The following KHDRBS2 variants were observed in gnomAD, a reference collection of about 807,000 sequenced individuals.
KHDRBS2 encodes the protein KH domain-containing, RNA-binding, signal transduction-associated protein 2.
Under a neutral mutation model 44.3 loss-of-function variants are expected in KHDRBS2, and 26 were observed. The observed-to-expected ratio is 0.59, with a 90% CI of 0.43 to 0.81. The LOEUF is 0.81. Ranked by LOEUF, KHDRBS2 falls within the 40% of genes least tolerant of loss-of-function variation. KHDRBS2 has a pLI of 0.00. For synonymous variants in KHDRBS2, 194 were observed against 151.1 expected, an observed-to-expected ratio of 1.28 and a Z score of -2.08; for missense variants, 476 against 433.1, an observed-to-expected ratio of 1.10 and a Z score of -0.88.
chr6:61,801,736 C>G (rs1786317797), intron 6 of KHDRBS2, among the ~76,000 whole-genome samples: 1 of 152,086 alleles, frequency 6.6e-6, no homozygotes, highest in Admixed American at 6.6e-5. Flanking sequence ...GCCTTATGGT[C>G]TTTGTCCCAT....
chr6:61,867,083 C>T (rs537923035), intron 6 of KHDRBS2, among the ~76,000 whole-genome samples: 1 of 152,282 alleles, frequency 6.6e-6, no homozygotes, highest in African/African-American at 2.4e-5. Flanking sequence ...TCAGCAGAGC[C>T]CCACTCTACT....
intron 4 of KHDRBS2, among the ~76,000 whole-genome samples, chr6:61,956,721 C>A (rs992872242): frequency 3.9e-5 from 6 of 152,162 alleles, no homozygotes; most frequent in Admixed American, 3.9e-4. Flanking sequence ...TAAACTCCAC[C>A]AATCTTTCTG....
chr6:61,594,907 A>G, the KHDRBS2 span, among the ~76,000 whole-genome samples: 1 of 152,256 alleles, frequency 6.6e-6, no homozygotes, highest in South Asian at 2.1e-4. Flanking sequence ...CTGTAAAATA[A>G]CAGTCATTCA....
intron 1 of KHDRBS2, among the ~76,000 whole-genome samples, chr6:62,279,758 G>A (rs950386880): frequency 3.9e-5 from 6 of 152,162 alleles, no homozygotes; most frequent in African/African-American, 1.4e-4. Flanking sequence ...CTAAAGTGAG[G>A]TCTTAGCATG....
At chr6:62,070,838 C>A (rs1264813851) in intron 2 of KHDRBS2, among the ~76,000 whole-genome samples, 1 of 152,128 alleles carries the variant, frequency 6.6e-6, no homozygotes, top group East Asian at 1.9e-4. Flanking sequence ...GATTTATAAT[C>A]CTCTGGGTAT....
At chr6:61,863,898 T>C (rs1797392993) in intron 6 of KHDRBS2, among the ~76,000 whole-genome samples, 1 of 152,206 alleles carries the variant, frequency 6.6e-6, no homozygotes, top group South Asian at 2.1e-4. Flanking sequence ...AGTCTCCAAC[T>C]ATTATTGTGT....
intron 4 of KHDRBS2, among the ~76,000 whole-genome samples, chr6:61,924,022 G>A (rs916055585): frequency 6.6e-6 from 1 of 151,956 alleles, no homozygotes; most frequent in African/African-American, 2.4e-5. Context: ...ACAATTAGGA[G>A]TTGAAATTAC....
the KHDRBS2 span, among the ~76,000 whole-genome samples, chr6:61,602,530 TCTGA>T: frequency 3.9e-5 from 6 of 152,182 alleles, no homozygotes; most frequent in African/African-American, 1.4e-4. Context: ...CCCAAGGCTC[TCTGA>T]CTGACTCCTT....
chr6:61,883,126 G>A (rs1800440085), intron 6 of KHDRBS2, among the ~76,000 whole-genome samples: 1 of 151,862 alleles, frequency 6.6e-6, no homozygotes, highest in African/African-American at 2.4e-5. Flanking sequence ...ATAAATCAAG[G>A]CTCAAATCAC....
In KHDRBS2 at chr6:61,994,095, A is replaced by T. The variant is rs114182892; in HGVS notation, c.337-15883T>A. On this transcript the variant is annotated intron_variant, in intron 3 of 8. Coordinates refer to ENST00000281156, the MANE Select transcript of KHDRBS2 (RefSeq NM_152688.4). ...ACTGACTGGCAGGAATGCAGCTGTT[A>T]TTGGTACACAAGAAACTCCCCTTAG... Among the ~76,000 whole-genome samples, 555 of 152,242 alleles carry T rather than the reference A, an allele frequency of 3.6e-3. 4 individuals carry two copies. Among genetic ancestry groups the T allele is most frequent in the African/African-American group, 0.012 (513 of 41,552 alleles).
At chr6:61,662,093 G>T in the KHDRBS2 span, among the ~76,000 whole-genome samples, 2 of 151,900 alleles carry the variant, frequency 1.3e-5, no homozygotes, top group African/African-American at 4.8e-5. Context: ...AAATAATGCT[G>T]CATATCTACA....
intron 2 of KHDRBS2, among the ~76,000 whole-genome samples, chr6:62,054,728 T>C (rs1309013188): frequency 6.6e-6 from 1 of 151,964 alleles, no homozygotes. Flanking sequence ...GGGAGCAGAT[T>C]CTGCCCTAGA....
At chr6:62,140,231 G>C (rs1262846256) in intron 2 of KHDRBS2, among the ~76,000 whole-genome samples, 6 of 152,096 alleles carry the variant, frequency 3.9e-5, no homozygotes, top group Admixed American at 1.3e-4. Context: ...TACAATGTTT[G>C]GTTCATTGTA....
intron 6 of KHDRBS2, among the ~76,000 whole-genome samples, chr6:61,859,445 TGTAA>T (rs971746128): frequency 1.3e-5 from 2 of 151,986 alleles, no homozygotes; most frequent in South Asian, 2.1e-4. Context: ...AATAATTTCC[TGTAA>T]GTGTCTTATC....
the KHDRBS2 span, among the ~76,000 whole-genome samples, chr6:61,609,659 T>C: frequency 6.6e-6 from 1 of 152,158 alleles, no homozygotes; most frequent in African/African-American, 2.4e-5. Flanking sequence ...TAGACCCTGG[T>C]CAATGGAACT....
chr6:61,635,338 AGTGATGACTGGT>A, the KHDRBS2 span, among the ~76,000 whole-genome samples: 1 of 152,002 alleles, frequency 6.6e-6, no homozygotes, highest in Non-Finnish European at 1.5e-5. Context: ...ATAAAAGGGA[AGTGATGACTGGT>A]CTGTCTCTGT....
chr6:62,064,544 T>C (rs1287870005), intron 2 of KHDRBS2, among the ~76,000 whole-genome samples: 1 of 147,040 alleles, frequency 6.8e-6, no homozygotes, highest in Non-Finnish European at 1.5e-5. Context: ...GATTCCCTAT[T>C]TAATAAATGG....
At chr6:61,746,315 C>A (rs184194025) in intron 6 of KHDRBS2, among the ~76,000 whole-genome samples, 2 of 152,082 alleles carry the variant, frequency 1.3e-5, no homozygotes, top group Non-Finnish European at 2.9e-5. Flanking sequence ...CCTTGCCCCC[C>A]ATCCCCGACA....
chr6:61,545,685 T>C, the KHDRBS2 span, among the ~76,000 whole-genome samples: 1 of 152,068 alleles, frequency 6.6e-6, no homozygotes, highest in Non-Finnish European at 1.5e-5. Context: ...TGTTTGCATC[T>C]GTGTCTCCCC....
Sources: allele counts gnomAD v4.1 joint callset (sites outside exome capture counted in the v4.1 genomes callset), GRCh38; gene constraint gnomAD v4.1.1; transcripts MANE v1.5; gene names NCBI Gene and HGNC (gene_info 2026-07-23, HGNC 2026-07-21).